The following DPP9 variants were observed in gnomAD, a reference collection of about 807,000 sequenced individuals.
DPP9 encodes the protein dipeptidyl peptidase IV-related protein-2.
A neutral mutation model predicts 110.7 loss-of-function variants in DPP9; 50 were observed. That is an observed-to-expected ratio of 0.45 (90% CI 0.36 to 0.57). The LOEUF (loss-of-function observed/expected upper bound fraction) is 0.57. Among genes scored for constraint, DPP9 ranks in the 20% least tolerant of loss-of-function variants. The pLI is 0.00. For synonymous variants in DPP9, 561 were observed against 514.4 expected, an observed-to-expected ratio of 1.09 and a Z score of -1.23; for missense variants, 1,022 against 1,217.9, an observed-to-expected ratio of 0.84 and a Z score of 2.39.
intron 3 of DPP9, chr19:4,716,287 C>G (rs918821624): frequency 1.3e-5 from 2 of 152,370 alleles, no homozygotes; most frequent in African/African-American, 4.8e-5. Flanking sequence ...GGGCCCCAGC[C>G]TGCTTTGAGA....
intron 20 of DPP9, among the ~76,000 whole-genome samples, chr19:4,681,567 T>A (rs1465467912): frequency 6.6e-6 from 1 of 151,422 alleles, no homozygotes; most frequent in Non-Finnish European, 1.5e-5. Flanking sequence ...CCTGGCCTAT[T>A]ATTATTATTA....
At position 4,687,718 on chromosome 19, in the gene DPP9, C is replaced by T. The variant is rs765784803; in HGVS notation, c.1885+1039G>A. Among the ~76,000 whole-genome samples the T allele has an allele frequency of 3.9e-5, 6 of 152,230 alleles. No homozygotes were observed. Among genetic ancestry groups the T allele is most frequent in the African/African-American group, 4.8e-5 (2 of 41,460 alleles). The stretch of plus-strand genomic sequence containing the variant: ...GGTCCTGGAGAAGGTGAGTGGAAAG[C>T]CTGATAACCACGGCGGGTTTCAAAC... On this transcript the variant is annotated intron_variant, in intron 16 of 21. Transcript: ENST00000262960. The surrounding 1 kb of genome is among the most constrained non-coding windows in gnomAD (Gnocchi z 4.7).
chr19:4,714,738 A>G (rs931125579), intron 3 of DPP9, among the ~76,000 whole-genome samples: 1 of 151,954 alleles, frequency 6.6e-6, no homozygotes, highest in Non-Finnish European at 1.5e-5. Flanking sequence ...TTCCACATCC[A>G]CTGCCAAGAC....
At chr19:4,681,469 A>G (rs1171118373) in intron 20 of DPP9, among the ~76,000 whole-genome samples, 2 of 151,006 alleles carry the variant, frequency 1.3e-5, no homozygotes, top group African/African-American at 4.9e-5. Flanking sequence ...GGTGTGTGTC[A>G]CCACACCTGG....
At chr19:4,688,934 G>A (rs1454135329) in intron 15 of DPP9, 42 bp from the exon 16 acceptor site, 1 of 1,496,910 alleles carries the variant, frequency 6.7e-7, no homozygotes, top group South Asian at 1.3e-5. Context: ...GGATGCCGCT[G>A]CGCCCTTTCC....
rs1242780022 is a variant in DPP9, at chr19:4,676,482, G to A, written c.*82C>T. The A allele has an allele frequency of 2.0e-5, 25 of 1,261,756 alleles. No individual in the cohort carries two copies. The highest frequency in any genetic ancestry group is 2.5e-5 in the Non-Finnish European group (22 of 886,400). The allele number at this position is 1,261,756 out of a possible 1,614,324, so 78.2% of individuals were successfully genotyped here. The stretch of plus-strand genomic sequence containing the variant: ...ACAAAGTGCCTCACTGGGGCCCGCG[G>A]GCCACTCAGTCCCTCCCGCCTGGTT... On this transcript the variant is annotated 3_prime_UTR_variant, in exon 22 of 22. Transcript: ENST00000262960. The surrounding 1 kb of genome is among the most constrained non-coding windows in gnomAD (Gnocchi z 4.0).
Position 4,698,964 on chromosome 19 carries a change from C to T in DPP9, c.1074+1252G>A, listed in dbSNP as rs1309524502. ...ACGAGGTCAGGAGATTGAGACCGTC[C>T]TGGCTAACACGGTGAAACCCCGTCT... On this transcript the variant is annotated intron_variant, in intron 10 of 21. Coordinates refer to ENST00000262960, the MANE Select transcript of DPP9 (RefSeq NM_139159.5). This position sits in a 1 kb window ranked among gnomAD's most constrained non-coding sequence, Gnocchi z 4.2. Among the ~76,000 whole-genome samples the T allele has an allele frequency of 1.3e-5, 2 of 151,902 alleles. No homozygotes were observed. The highest frequency in any genetic ancestry group is 2.4e-5 in the African/African-American group (1 of 41,342).
In DPP9 at chr19:4,705,887, A is replaced by G. The variant is rs970286365; in HGVS notation, c.397T>C (p.Ser133Pro). 2.5e-6 allele frequency: 4 copies of G among 1,613,994 alleles called. No homozygotes were observed. In the Admixed American group the frequency reaches 6.7e-5, roughly 27 times the overall value. ...KVRKEALLLL[S>P]WKQMLDHFQA... ...AAATGATCCAGCATCTGCTTCCAGGACAGGAGCAGCAGAGCCTCTTTCCGG... is the reference window on the plus strand; with the variant it reads ...AAATGATCCAGCATCTGCTTCCAGGGCAGGAGCAGCAGAGCCTCTTTCCGG... Residue 133 changes from serine (S) to proline (P), a missense_variant, in exon 5 of 22, where the codon TCC becomes CCC. Physicochemically the swap from Ser to Pro is moderately conservative, Grantham distance 74. Coordinates refer to ENST00000262960, the MANE Select transcript of DPP9 (RefSeq NM_139159.5).
In DPP9 at chr19:4,682,070, A is replaced by C. The variant is rs888893345; in HGVS notation, c.2474+626T>G. 6.6e-6 allele frequency among the ~76,000 whole-genome samples: 1 copy of C among 151,704 alleles called. No individual in the cohort carries two copies. Among genetic ancestry groups the C allele is most frequent in the African/African-American group, 2.4e-5 (1 of 41,278 alleles). On this transcript the variant is annotated intron_variant, in intron 20 of 21. Transcript: ENST00000262960. The surrounding 1 kb of genome is among the most constrained non-coding windows in gnomAD (Gnocchi z 7.1). Reference sequence around the variant, plus strand: ...TCATCTTGTTAGCCAGGATGGTCTCAATCTCCTGACCTCACGATCCGCCCG... The same window carrying C: ...TCATCTTGTTAGCCAGGATGGTCTCCATCTCCTGACCTCACGATCCGCCCG...
chr19:4,703,585 G>A (rs1008676262), intron 7 of DPP9, among the ~76,000 whole-genome samples: 3 of 151,336 alleles, frequency 2.0e-5, no homozygotes, highest in African/African-American at 4.9e-5. Flanking sequence ...GCAGTGAGCC[G>A]AGATCATACC....
Position 4,695,157 on chromosome 19 carries a change from GA to G in DPP9, c.1353+220del. ...CAGAGCAACCCTGTCTCTAATTAAA[GA>G]AAAAAATAGATGAGGGGAGAGGCTC... On this transcript the variant is annotated intron_variant, in intron 12 of 21. Coordinates refer to ENST00000262960, the MANE Select transcript of DPP9 (RefSeq NM_139159.5). The surrounding 1 kb of genome is among the most constrained non-coding windows in gnomAD (Gnocchi z 4.7). 1.7e-6 allele frequency: 1 copy of G among 579,726 alleles called. No individual in the cohort carries two copies. The highest frequency in any genetic ancestry group is 3.3e-5 in the Admixed American group (1 of 29,954). The allele number at this position is 579,726 out of a possible 1,614,324, so 35.9% of individuals were successfully genotyped here. A position where few individuals can be genotyped will look rare whatever the true frequency, so the allele number is the denominator to read the frequency against.
chr19:4,719,816 T>A, intron 3 of DPP9, 35 bp downstream of exon 3: 1 of 1,551,062 alleles, frequency 6.4e-7, no homozygotes. Flanking sequence ...CTGGGCCACA[T>A]CCTCACGGAT....
At chr19:4,679,793 T>C (rs774313581) in intron 21 of DPP9, 42 bp downstream of exon 21, 3 of 1,380,522 alleles carry the variant, frequency 2.2e-6, no homozygotes, top group African/African-American at 1.4e-5. Context: ...CCCAGGGATC[T>C]GTCGGCTCGC....
At position 4,695,295 on chromosome 19, in the gene DPP9, G is replaced by A. The variant is rs184082132; in HGVS notation, c.1353+83C>T. The A allele has an allele frequency of 6.5e-4, 915 of 1,400,186 alleles. No individual in the cohort carries two copies. Among genetic ancestry groups the A allele is most frequent in the Non-Finnish European group, 7.6e-4 (796 of 1,052,578 alleles). The allele number at this position is 1,400,186 out of a possible 1,614,324, so 86.7% of individuals were successfully genotyped here. On this transcript the variant is annotated intron_variant, in intron 12 of 21. Transcript: ENST00000262960. This position sits in a 1 kb window ranked among gnomAD's most constrained non-coding sequence, Gnocchi z 4.7. ...AGGGCAAACACCACCTGCCATTGGCGCTCAGCCTTCTAGGACGTGGGGGTG... is the reference window on the plus strand; with the variant it reads ...AGGGCAAACACCACCTGCCATTGGCACTCAGCCTTCTAGGACGTGGGGGTG...
chr19:4,718,988 AT>A lies in DPP9; in HGVS notation c.56+862del, dbSNP rs1468077073. 5.3e-5 allele frequency among the ~76,000 whole-genome samples: 8 copies of A among 152,036 alleles called. No homozygotes were observed. Among genetic ancestry groups the A allele is most frequent in the African/African-American group, 1.7e-4 (7 of 41,386 alleles). On this transcript the variant is annotated intron_variant, in intron 3 of 21. Coordinates refer to ENST00000262960, the MANE Select transcript of DPP9 (RefSeq NM_139159.5). The surrounding 1 kb of genome is among the most constrained non-coding windows in gnomAD (Gnocchi z 4.3). The stretch of plus-strand genomic sequence containing the variant: ...CCCCGGGGGGTGCGTGTCTAACCAC[AT>A]TCCATCCACACCTGATTTTAGGGCA...
At chr19:4,716,413 G>A (rs1382845674) in intron 3 of DPP9, among the ~76,000 whole-genome samples, 1 of 152,138 alleles carries the variant, frequency 6.6e-6, no homozygotes, top group Non-Finnish European at 1.5e-5. Context: ...CAAGGCAGGA[G>A]GATCATGAGA....
At chr19:4,706,299 C>T (rs1450351958) in intron 4 of DPP9, among the ~76,000 whole-genome samples, 7 of 146,212 alleles carry the variant, frequency 4.8e-5, no homozygotes, top group Non-Finnish European at 8.9e-5. Context: ...GAGTTTGAGA[C>T]CAGCCTGGGC....
Position 4,694,466 on chromosome 19 carries a change from A to G in DPP9, c.1516+195T>C. ...GGTGCTCAGTAAATCTGCTGCCTGA[A>G]TAAGCCAACAGTTGGGTGCTCTAAG... On this transcript the variant is annotated intron_variant, in intron 13 of 21. Coordinates refer to ENST00000262960, the MANE Select transcript of DPP9 (RefSeq NM_139159.5). This position sits in a 1 kb window ranked among gnomAD's most constrained non-coding sequence, Gnocchi z 4.0. 1.4e-6 allele frequency: 1 copy of G among 697,704 alleles called. No homozygotes were observed. Among genetic ancestry groups the G allele is most frequent in the Non-Finnish European group, 2.3e-6 (1 of 428,674 alleles). 43.2% of individuals were successfully genotyped at this position (697,704 alleles called of 1,614,324 possible).
intron 10 of DPP9, among the ~76,000 whole-genome samples, chr19:4,699,604 G>A (rs561645049): frequency 6.6e-6 from 1 of 152,240 alleles, no homozygotes; most frequent in African/African-American, 2.4e-5. Flanking sequence ...CTTGCTGCGG[G>A]GTGATGATGC....
Sources: allele counts gnomAD v4.1 joint callset (sites outside exome capture counted in the v4.1 genomes callset), GRCh38; gene constraint gnomAD v4.1.1; non-coding constraint Gnocchi (gnomAD v3.1); transcripts MANE v1.5; gene names NCBI Gene and HGNC (gene_info 2026-07-23, HGNC 2026-07-21).